The following SIAH2 variants were observed in gnomAD, a reference collection of about 807,000 sequenced individuals.
SIAH2 encodes E3 ubiquitin-protein ligase SIAH2.
Under a neutral mutation model 20.4 loss-of-function variants are expected in SIAH2, and 4 were observed. The ratio of observed to expected loss-of-function variants is 0.20; its 90% CI spans 0.10 to 0.45. The LOEUF (loss-of-function observed/expected upper bound fraction) is 0.45. SIAH2 is among the 20% of genes least tolerant of loss of function. SIAH2 has a pLI of 0.99. For missense variants in SIAH2, 259 were observed against 440.3 expected (o/e 0.59, Z 3.69); for synonymous variants, 171 against 192.5 (o/e 0.89, Z 0.93).
chr3:150,758,791 G>T (rs1714540806), intron 1 of SIAH2, among the ~76,000 whole-genome samples: 1 of 149,676 alleles, frequency 6.7e-6, no homozygotes, highest in South Asian at 2.1e-4. Flanking sequence ...TGCCCAGGCT[G>T]GAATGCAATG....
intron 1 of SIAH2, among the ~76,000 whole-genome samples, chr3:150,757,894 C>T (rs1007899623): frequency 6.6e-6 from 1 of 152,108 alleles, no homozygotes; most frequent in African/African-American, 2.4e-5. Flanking sequence ...GTACCCACAT[C>T]CCCAACCCCA....
At chr3:150,756,449 G>A (rs531571791) in intron 1 of SIAH2, among the ~76,000 whole-genome samples, 65 of 152,348 alleles carry the variant, frequency 4.3e-4, no homozygotes. Flanking sequence ...ACATTTTACA[G>A]TGAAGCCTCA....
intron 1 of SIAH2, among the ~76,000 whole-genome samples, chr3:150,757,638 C>T (rs367661350): frequency 6.6e-6 from 1 of 151,704 alleles, no homozygotes; most frequent in South Asian, 2.1e-4. Flanking sequence ...GGTGGTTATA[C>T]ATGTGAAGTC....
At chr3:150,751,420 T>C (rs1242936702) in intron 1 of SIAH2, among the ~76,000 whole-genome samples, 1 of 142,188 alleles carries the variant, frequency 7.0e-6, no homozygotes, top group Non-Finnish European at 1.5e-5. Flanking sequence ...AGAGACTCTG[T>C]CTCTTAAGAA....
At position 150,742,843 on chromosome 3, in the gene SIAH2, G is replaced by C; in HGVS notation, c.418-145C>G. The C allele has an allele frequency of 1.7e-6, 1 of 596,296 alleles. No homozygotes were observed. The highest frequency in any genetic ancestry group is 3.1e-5 in the South Asian group (1 of 32,730). The allele number at this position is 596,296 out of a possible 1,614,324, so 36.9% of individuals were successfully genotyped here. On this transcript the variant is annotated intron_variant, in intron 1 of 1. Coordinates refer to ENST00000312960, the MANE Select transcript of SIAH2 (RefSeq NM_005067.7). This position sits in a 1 kb window ranked among gnomAD's most constrained non-coding sequence, Gnocchi z 4.8. ...TGCTCAAAGCAAGTGAAATATTCAA[G>C]ACTAAAAGTCTCCGTCTCTATTCAT...
chr3:150,747,313 T>G (rs115956034), intron 1 of SIAH2, among the ~76,000 whole-genome samples: 290 of 152,356 alleles, frequency 1.9e-3, no homozygotes, highest in African/African-American at 6.8e-3. Flanking sequence ...CCTCCCAGCC[T>G]TCTCTGGGAT....
chr3:150,756,549 A>ATT (rs1714488979), intron 1 of SIAH2, among the ~76,000 whole-genome samples: 1 of 152,196 alleles, frequency 6.6e-6, no homozygotes, highest in Admixed American at 6.5e-5. Flanking sequence ...TTGGGCTGGT[A>ATT]TTTTATAGGC....
In SIAH2 at chr3:150,762,635, T is replaced by A. The variant is rs1366950897; in HGVS notation, c.215A>T (p.His72Leu). 1 of 1,604,522 alleles carries A rather than the reference T, an allele frequency of 6.2e-7. No homozygotes were observed. The change falls in exon 1 of 2, where the codon CAC becomes CTC. Residue 72 changes from histidine to leucine, a missense_variant. This residue lies in a region of SIAH2 where 99 missense variants were observed against 112.7 expected (regional missense o/e 0.88). Transcript: ENST00000312960. This position sits in a 1 kb window ranked among gnomAD's most constrained non-coding sequence, Gnocchi z 6.6. Reference protein sequence around the residue: ...GGAGPVSPQHHELTSLFECPV... With the variant: ...GGAGPVSPQHLELTSLFECPV... ...ACACTCGAAGAGCGAGGTCAGCTCG[T>A]GGTGCTGCGGGGACACCGGGCCGGC...
rs1027497741 is a variant in SIAH2, at chr3:150,763,068, A to T, written c.-219T>A. 3.2e-6 allele frequency: 1 copy of T among 310,708 alleles called. No individual in the cohort carries two copies. Among genetic ancestry groups the T allele is most frequent in the Non-Finnish European group, 4.9e-6 (1 of 206,176 alleles). The allele number at this position is 310,708 out of a possible 1,614,324, so 19.2% of individuals were successfully genotyped here. On this transcript the variant is annotated 5_prime_UTR_variant, in exon 1 of 2. Transcript: ENST00000312960. This position sits in a 1 kb window ranked among gnomAD's most constrained non-coding sequence, Gnocchi z 4.1. The stretch of plus-strand genomic sequence containing the variant: ...CGTTCCGAGCACGCCTCCGCGTCGG[A>T]CCCCGCGCGGTGCCCTCCTCCCGGC...
Position 150,741,876 on chromosome 3 carries a change from A to C in SIAH2, c.*265T>G. 2.5e-6 allele frequency: 1 copy of C among 402,882 alleles called. No homozygotes were observed. Among genetic ancestry groups the C allele is most frequent in the Non-Finnish European group, 4.5e-6 (1 of 222,640 alleles). 25.0% of individuals were successfully genotyped at this position (402,882 alleles called of 1,614,324 possible). On this transcript the variant is annotated 3_prime_UTR_variant, in exon 2 of 2. Transcript: ENST00000312960. Reference sequence around the variant, plus strand: ...AGAAGCCCTGTGCAACAGCCTGTCAAGTGTTGTTTAGGGAGTAAATACAAT... The same window carrying C: ...AGAAGCCCTGTGCAACAGCCTGTCACGTGTTGTTTAGGGAGTAAATACAAT...
chr3:150,747,925 C>T (rs1714261107), intron 1 of SIAH2, among the ~76,000 whole-genome samples: 1 of 142,498 alleles, frequency 7.0e-6, no homozygotes, highest in Non-Finnish European at 1.5e-5. Context: ...GATTGTGCCA[C>T]TGCACTCCAG....
At chr3:150,758,357 G>C (rs868454274) in intron 1 of SIAH2, among the ~76,000 whole-genome samples, 2 of 151,904 alleles carry the variant, frequency 1.3e-5, no homozygotes, top group Non-Finnish European at 2.9e-5. Flanking sequence ...AGAAATACTT[G>C]GCTGATATCA....
At chr3:150,745,240 TACACACACACAC>T (rs5853495) in intron 1 of SIAH2, among the ~76,000 whole-genome samples, 1,925 of 140,666 alleles carry the variant, frequency 0.014, 35 homozygotes, top group African/African-American at 0.048. Context: ...TTTAACCCCC[TACACACACACAC>T]ACACACACAC....
chr3:150,760,277 C>T (rs1398539660), intron 1 of SIAH2, among the ~76,000 whole-genome samples: 1 of 152,248 alleles, frequency 6.6e-6, no homozygotes, highest in Non-Finnish European at 1.5e-5. Flanking sequence ...CATGCACACA[C>T]AAAAGCATCC....
chr3:150,761,890 G>A (rs2108127635), intron 1 of SIAH2: 1 of 153,452 alleles, frequency 6.5e-6, no homozygotes, highest in African/African-American at 2.4e-5. Context: ...TGGCTTGCAG[G>A]GTTTTCTTCT....
chr3:150,747,308 C>A (rs1032469417), intron 1 of SIAH2, among the ~76,000 whole-genome samples: 1 of 152,218 alleles, frequency 6.6e-6, no homozygotes, highest in Non-Finnish European at 1.5e-5. Flanking sequence ...TAGGCCCTCC[C>A]AGCCTTCTCT....
chr3:150,746,299 G>A (rs1051190547), intron 1 of SIAH2, among the ~76,000 whole-genome samples: 3 of 152,142 alleles, frequency 2.0e-5, no homozygotes, highest in African/African-American at 7.2e-5. Context: ...GGAAGGCTGA[G>A]ACAGGAGAAT....
At chr3:150,759,951 A>G (rs905157275) in intron 1 of SIAH2, among the ~76,000 whole-genome samples, 6 of 151,946 alleles carry the variant, frequency 3.9e-5, no homozygotes, top group African/African-American at 9.7e-5. Flanking sequence ...TTTTTTTCAC[A>G]TGAGCCAGCC....
intron 1 of SIAH2, chr3:150,761,962 T>G (rs1223124652): frequency 6.2e-6 from 1 of 161,026 alleles, no homozygotes; most frequent in Non-Finnish European, 1.4e-5. Flanking sequence ...AGCTCCCACG[T>G]GTCAGGGGTG....
Sources: gnomAD v4.1 joint callset for allele counts (sites outside exome capture counted in the v4.1 genomes callset) on GRCh38, gnomAD v4.1.1 for gene constraint, gnomAD v4.1.1 regional missense constraint, Gnocchi (gnomAD v3.1) non-coding constraint, MANE v1.5 for transcripts, NCBI Gene and HGNC (gene_info 2026-07-23, HGNC 2026-07-21) for gene names.